Variants in RAB11FIP3 observed in about 807,000 individuals in gnomAD.
The protein encoded by RAB11FIP3 is rab11 family-interacting protein 3.
A neutral mutation model predicts 77.8 loss-of-function variants in RAB11FIP3; 17 were observed. The ratio of observed to expected loss-of-function variants is 0.22; its 90% CI spans 0.15 to 0.33. The LOEUF (loss-of-function observed/expected upper bound fraction) is 0.33. Among genes scored for constraint, RAB11FIP3 ranks in the 10% least tolerant of loss-of-function variants. The pLI is 1.00. For missense variants in RAB11FIP3, 1,005 were observed against 1,011.2 expected (o/e 0.99, Z 0.08); for synonymous variants, 437 against 448.2 (o/e 0.98, Z 0.31).
In RAB11FIP3 at chr16:502,699, C is replaced by G. The variant is rs558560429; in HGVS notation, c.1302-305C>G. 10 of 472,360 alleles carry G rather than the reference C, an allele frequency of 2.1e-5. No homozygotes were observed. The Admixed American group carries it at 3.8e-4, about 18-fold the overall frequency. 29.3% of individuals were successfully genotyped at this position (472,360 alleles called of 1,614,324 possible). A position where few individuals can be genotyped will look rare whatever the true frequency, so the allele number is the denominator to read the frequency against. On this transcript the variant is annotated intron_variant, in intron 6 of 13. Transcript: ENST00000262305. The stretch of plus-strand genomic sequence containing the variant: ...TTTTATTGCAGCCAAGTACAAAGTC[C>G]TCTCTGCCACTCGCTGGCTGGGACT...
intron 7 of RAB11FIP3, among the ~76,000 whole-genome samples, chr16:503,401 G>T (rs7188353): frequency 2.0e-5 from 3 of 152,166 alleles, no homozygotes; most frequent in Non-Finnish European, 4.4e-5. Flanking sequence ...GAGTCGGGCT[G>T]GGGGACACCC....
intron 5 of RAB11FIP3, among the ~76,000 whole-genome samples, chr16:495,406 A>T (rs1022864676): frequency 6.6e-6 from 1 of 152,206 alleles, no homozygotes; most frequent in Admixed American, 6.5e-5. Context: ...CAGGAAAGCT[A>T]TTCTGTTGCA....
chr16:446,125 T>C (rs1295778491), intron 1 of RAB11FIP3, among the ~76,000 whole-genome samples: 1 of 152,078 alleles, frequency 6.6e-6, no homozygotes, highest in Non-Finnish European at 1.5e-5. Context: ...GGGGTGCGTG[T>C]CTCAACTACT....
chr16:519,861 G>A lies in RAB11FIP3; in HGVS notation c.1830G>A (p.Gln610=). 3.8e-6 allele frequency: 6 copies of A among 1,597,088 alleles called. No individual in the cohort carries two copies. The highest frequency in any genetic ancestry group is 5.1e-6 in the Non-Finnish European group (6 of 1,172,018). ...ACAGGCTGAGTCACGAGAGGCACCA[G>A]TTCCAGAGGGACAAGGAGGCCACCC... The part of the protein sequence containing the change: ...MGDRLSHERH[Q]FQRDKEATQE... The change falls in exon 11 of 14, where the codon CAG becomes CAA. Residue 610 remains glutamine, a synonymous_variant. Transcript: ENST00000262305.
intron 8 of RAB11FIP3, among the ~76,000 whole-genome samples, chr16:509,672 C>T (rs1439647002): frequency 2.0e-5 from 3 of 152,214 alleles, no homozygotes. Flanking sequence ...CCTGCCCTGC[C>T]TCTGCTCTGA....
At chr16:504,129 C>T (rs185047814) in intron 7 of RAB11FIP3, among the ~76,000 whole-genome samples, 17 of 16,212 alleles carry the variant, frequency 1.0e-3, no homozygotes, top group Non-Finnish European at 1.6e-3. Flanking sequence ...CTGTACCCCC[C>T]CACCTCCTCC....
chr16:513,211 G>A (rs1490985364), intron 9 of RAB11FIP3, among the ~76,000 whole-genome samples: 1 of 152,064 alleles, frequency 6.6e-6, no homozygotes, highest in Non-Finnish European at 1.5e-5. Context: ...GTTTTATACA[G>A]TTGTTTGTTT....
intron 1 of RAB11FIP3, among the ~76,000 whole-genome samples, chr16:437,570 C>CAAAAAA (rs34184576): frequency 2.0e-4 from 12 of 58,968 alleles, no homozygotes; most frequent in African/African-American, 8.0e-4. Flanking sequence ...AACTCCATCT[C>CAAAAAA]AAAAAAAAAA....
intron 6 of RAB11FIP3, chr16:497,459 G>C: frequency 1.6e-6 from 2 of 1,216,070 alleles, no homozygotes; most frequent in African/African-American, 3.2e-5. Context: ...GTCTGCCTTT[G>C]TGTCTTTATC....
At position 426,555 on chromosome 16, in the gene RAB11FIP3, G is replaced by C. The variant is rs941090920; in HGVS notation, c.549G>C (p.Gln183His). 67 of 1,584,334 alleles carry C rather than the reference G, an allele frequency of 4.2e-5. No individual in the cohort carries two copies. Among genetic ancestry groups the C allele is most frequent in the Non-Finnish European group, 5.6e-5 (65 of 1,167,400 alleles). The change falls in exon 1 of 14, where the codon CAG becomes CAC. Residue 183 changes from glutamine (Q) to histidine (H), a missense_variant. Transcript: ENST00000262305. The surrounding 1 kb of genome is among the most constrained non-coding windows in gnomAD (Gnocchi z 5.0). ...AGCAAGGTCCCGGGTCCCCGCCGCA[G>C]CCCTCGGACCTCAGCCAGACCCACC... ...ALEQGPGSPP[Q>H]PSDLSQTHPL... is the part of the protein sequence containing the mutation.
At chr16:499,821 C>T (rs1260837812) in intron 6 of RAB11FIP3, among the ~76,000 whole-genome samples, 3 of 149,118 alleles carry the variant, frequency 2.0e-5, no homozygotes, top group African/African-American at 7.4e-5. Flanking sequence ...AAAAAAAGCT[C>T]CATCTGCAGT....
At chr16:451,702 G>C (rs1451093783) in intron 1 of RAB11FIP3, among the ~76,000 whole-genome samples, 3 of 152,140 alleles carry the variant, frequency 2.0e-5, no homozygotes, top group Non-Finnish European at 2.9e-5. Context: ...AGGCATGGTG[G>C]TGTGTGCCTA....
rs770107701 is a variant in RAB11FIP3, at chr16:426,772, C to T, written c.714+52C>T. 1.5e-5 allele frequency: 21 copies of T among 1,412,870 alleles called. No homozygotes were observed. The highest frequency in any genetic ancestry group is 4.7e-5 in the South Asian group (3 of 64,050). 87.5% of individuals were successfully genotyped at this position (1,412,870 alleles called of 1,614,324 possible). On this transcript the variant is annotated intron_variant, in intron 1 of 13. Coordinates refer to ENST00000262305, the MANE Select transcript of RAB11FIP3 (RefSeq NM_014700.4). This position sits in a 1 kb window ranked among gnomAD's most constrained non-coding sequence, Gnocchi z 5.0. ...GGGAACTGGGCAGGTGCGCGCTGGC[C>T]GGCGGGGTTGATGTGGGACCGGTCG...
chr16:492,827 TC>T (rs1327922387), intron 5 of RAB11FIP3, among the ~76,000 whole-genome samples: 5 of 152,124 alleles, frequency 3.3e-5, no homozygotes, highest in Admixed American at 1.3e-4. Flanking sequence ...GAGAACTAGC[TC>T]CAAGATGGCC....
intron 2 of RAB11FIP3, among the ~76,000 whole-genome samples, chr16:464,922 T>C (rs914902450): frequency 3.3e-5 from 5 of 152,126 alleles, no homozygotes; most frequent in Non-Finnish European, 7.4e-5. Flanking sequence ...TGCCATTAAT[T>C]CCAAACAGAA....
rs2032637224 is a variant in RAB11FIP3 at position 520,537 on chromosome 16, C to T, written c.2095C>T (p.Leu699Phe). ...CCTCAGCATCCAGGGCGCCAAGAGCCTCTTCTCCACAGCCTTCTCTGAGTC... is the reference window on the plus strand; with the variant it reads ...CCTCAGCATCCAGGGCGCCAAGAGCTTCTTCTCCACAGCCTTCTCTGAGTC... ...ITLSIQGAKS[L>F]FSTAFSESLA... The change falls in exon 13 of 14, where the codon CTC becomes TTC. Residue 699 changes from leucine (L) to phenylalanine (F), a missense_variant. Around this residue, in one of 4 missense-constraint regions of RAB11FIP3, gnomAD observed 90 missense variants for 129.7 expected, o/e 0.69. Coordinates refer to ENST00000262305, the MANE Select transcript of RAB11FIP3 (RefSeq NM_014700.4). The T allele has an allele frequency of 1.2e-6, 2 of 1,613,628 alleles. No homozygotes were observed. The highest frequency in any genetic ancestry group is 1.3e-5 in the African/African-American group (1 of 74,932).
At position 521,048 on chromosome 16, in the gene RAB11FIP3, C is replaced by G; in HGVS notation, c.*209C>G. ...GGAGAGGAGAGGGAGAAAGGGAAGT[C>G]CCAGGGCCCGGGGTCCACAGAGGAT... On this transcript the variant is annotated 3_prime_UTR_variant, in exon 14 of 14. Coordinates refer to ENST00000262305, the MANE Select transcript of RAB11FIP3 (RefSeq NM_014700.4). 1.7e-6 allele frequency: 1 copy of G among 587,720 alleles called. No homozygotes were observed. The allele number at this position is 587,720 out of a possible 1,614,324, so 36.4% of individuals were successfully genotyped here.
Position 510,652 on chromosome 16 carries a change from C to T in RAB11FIP3, c.1500-8C>T, listed in dbSNP as rs200880677. Reference sequence around the variant, plus strand: ...GAGACAGCTCAGCTCCTCCCTTTGCCTTTCAAGAGCAAACGCCCTGGAGGA... The same window carrying T: ...GAGACAGCTCAGCTCCTCCCTTTGCTTTTCAAGAGCAAACGCCCTGGAGGA... On this transcript the variant is annotated splice_region_variant and splice_polypyrimidine_tract_variant and intron_variant, in intron 8 of 13. Coordinates refer to ENST00000262305, the MANE Select transcript of RAB11FIP3 (RefSeq NM_014700.4). The T allele has an allele frequency of 4.4e-6, 7 of 1,595,688 alleles. No individual in the cohort carries two copies. In the East Asian group the frequency reaches 1.6e-4, roughly 36 times the overall value.
Position 454,133 on chromosome 16 carries a change from T to C in RAB11FIP3, c.715-7271T>C, listed in dbSNP as rs540000579. ...TTGAAGCATCCAGTAGGCGGGTCTT[T>C]GTTCCTTGCTCACACACCCAGTTAA... On this transcript the variant is annotated intron_variant, in intron 1 of 13. Transcript: ENST00000262305. Among the ~76,000 whole-genome samples the C allele has an allele frequency of 2.1e-3, 316 of 152,298 alleles. 2 individuals carry two copies. Among genetic ancestry groups the C allele is most frequent in the Admixed American group, 3.9e-3 (59 of 15,282 alleles).
Sources: allele counts gnomAD v4.1 joint callset (sites outside exome capture counted in the v4.1 genomes callset), GRCh38; gene constraint gnomAD v4.1.1; regional missense constraint gnomAD v4.1.1; non-coding constraint Gnocchi (gnomAD v3.1); transcripts MANE v1.5; gene names NCBI Gene and HGNC (gene_info 2026-07-23, HGNC 2026-07-21).